MVB12B: variants seen among roughly 807,000 people sequenced by gnomAD.
MVB12B encodes multivesicular body subunit 12B, also known as ESCRT-I complex subunit MVB12B.
A neutral mutation model predicts 41.6 loss-of-function variants in MVB12B; 16 were observed. That is an observed-to-expected ratio of 0.38 (90% CI 0.26 to 0.58). MVB12B has a LOEUF of 0.58. Ranked by LOEUF, MVB12B falls within the 20% of genes least tolerant of loss-of-function variation. The probability of loss-of-function intolerance (pLI) is 0.62; values close to 1 mark genes in which losing one functional copy is unlikely to be tolerated. For synonymous variants in MVB12B, 133 were observed against 139.7 expected (o/e 0.95, Z 0.34); for missense variants, 274 against 380.2 (o/e 0.72, Z 2.32).
intron 2 of MVB12B, among the ~76,000 whole-genome samples, chr9:126,369,650 T>G (rs1255763035): frequency 2.0e-5 from 3 of 152,136 alleles, no homozygotes; most frequent in Admixed American, 6.5e-5. Flanking sequence ...GTGGGTTTTT[T>G]TTTGTTTGTT....
At chr9:126,460,355 A>G (rs1320891999) in intron 7 of MVB12B, among the ~76,000 whole-genome samples, 13 of 152,178 alleles carry the variant, frequency 8.5e-5, no homozygotes, top group Admixed American at 7.2e-4. Flanking sequence ...TCGCCAAACT[A>G]AACTTCTGGC....
intron 7 of MVB12B, among the ~76,000 whole-genome samples, chr9:126,453,890 T>C (rs2119164609): frequency 6.6e-6 from 1 of 152,238 alleles, no homozygotes; most frequent in South Asian, 2.1e-4. Context: ...CAGATTACCT[T>C]CCAGGGCTGG....
chr9:126,445,993 C>A (rs1377949963), intron 7 of MVB12B, among the ~76,000 whole-genome samples: 1 of 152,166 alleles, frequency 6.6e-6, no homozygotes, highest in Non-Finnish European at 1.5e-5. Context: ...ACATTGAAAG[C>A]AGTGGCAGTA....
chr9:126,353,324 G>A (rs1829801520), intron 2 of MVB12B, among the ~76,000 whole-genome samples: 1 of 152,192 alleles, frequency 6.6e-6, no homozygotes, highest in South Asian at 2.1e-4. Context: ...AAGCAATAAA[G>A]CACTGTCACC....
intron 2 of MVB12B, among the ~76,000 whole-genome samples, chr9:126,344,312 T>C (rs557455334): frequency 6.6e-6 from 1 of 152,346 alleles, no homozygotes; most frequent in African/African-American, 2.4e-5. Flanking sequence ...GGGAAGTCCT[T>C]ATAGATGATT....
intron 6 of MVB12B, among the ~76,000 whole-genome samples, chr9:126,413,054 G>T (rs1278167088): frequency 6.6e-6 from 1 of 152,134 alleles, no homozygotes; most frequent in African/African-American, 2.4e-5. Context: ...CAAGGCCCTG[G>T]TTCCTGTCCT....
In MVB12B at chr9:126,327,003, G is replaced by T; in HGVS notation, c.74G>T (p.Arg25Leu). The change falls in exon 1 of 10, where the codon CGG becomes CTG. Residue 25 changes from arginine (R) to leucine (L), a missense_variant. Transcript: ENST00000361171. The part of the protein sequence containing the change: ...PPQPPPPPPQ[R>L]GTDQSTMPEV... ...CAGCCACCGCCGCCGCCGCCCCAGC[G>T]GGGAACAGTTAAGTGAGGCCCGGGC... 1 of 232,958 alleles carries T rather than the reference G, an allele frequency of 4.3e-6. No individual in the cohort carries two copies. The highest frequency in any genetic ancestry group is 4.2e-5 in the South Asian group (1 of 23,710). The allele number at this position is 232,958 out of a possible 1,614,324, so 14.4% of individuals were successfully genotyped here. A position where few individuals can be genotyped will look rare whatever the true frequency, so the allele number is the denominator to read the frequency against.
At chr9:126,494,568 T>C (rs1260240054) in intron 9 of MVB12B, among the ~76,000 whole-genome samples, 1 of 152,222 alleles carries the variant, frequency 6.6e-6, no homozygotes, top group Non-Finnish European at 1.5e-5. Context: ...TACCCTTTTC[T>C]TATGGTCTCT....
chr9:126,409,946 G>A (rs943384392), intron 6 of MVB12B, among the ~76,000 whole-genome samples: 4 of 152,120 alleles, frequency 2.6e-5, no homozygotes, highest in Middle Eastern at 3.2e-3. Context: ...AAACCTAACC[G>A]TTGTTCTTGA....
At chr9:126,434,422 G>T (rs988446663) in intron 7 of MVB12B, among the ~76,000 whole-genome samples, 1 of 152,106 alleles carries the variant, frequency 6.6e-6, no homozygotes, top group African/African-American at 2.4e-5. Flanking sequence ...AGTTTCTTAC[G>T]CCTGACTTGT....
chr9:126,475,174 G>T (rs1465899203), intron 7 of MVB12B, among the ~76,000 whole-genome samples: 1 of 152,114 alleles, frequency 6.6e-6, no homozygotes, highest in Non-Finnish European at 1.5e-5. Flanking sequence ...TTTGGCCCAC[G>T]ATCACAACTT....
chr9:126,486,465 A>G lies in MVB12B; in HGVS notation c.873+2433A>G, dbSNP rs1002614196. Among the ~76,000 whole-genome samples the G allele has an allele frequency of 6.6e-6, 1 of 152,202 alleles. No homozygotes were observed. The highest frequency in any genetic ancestry group is 1.9e-4 in the East Asian group (1 of 5,188). On this transcript the variant is annotated intron_variant, in intron 9 of 9. Transcript: ENST00000361171. The surrounding 1 kb of genome is among the most constrained non-coding windows in gnomAD (Gnocchi z 4.7). The stretch of plus-strand genomic sequence containing the variant: ...AGCCCGCTCCACTGTGGACAGGGGC[A>G]AGTCACATACCTGCTGTTTACCATG...
intron 2 of MVB12B, among the ~76,000 whole-genome samples, chr9:126,369,911 C>G (rs1341929968): frequency 6.6e-6 from 1 of 152,138 alleles, no homozygotes; most frequent in Non-Finnish European, 1.5e-5. Context: ...CCTGGGCCTC[C>G]CAAAGTGCTG....
intron 6 of MVB12B, among the ~76,000 whole-genome samples, chr9:126,402,980 C>T (rs540354294): frequency 6.6e-6 from 1 of 152,368 alleles, no homozygotes; most frequent in African/African-American, 2.4e-5. Flanking sequence ...AGCCCTGTCT[C>T]AGAGACGAGC....
At chr9:126,488,430 C>A (rs1038523997) in intron 9 of MVB12B, among the ~76,000 whole-genome samples, 1 of 152,062 alleles carries the variant, frequency 6.6e-6, no homozygotes, top group Non-Finnish European at 1.5e-5. Context: ...CCGTGCCTCC[C>A]GCTCGTCCAG....
chr9:126,499,138 G>GC (rs1833897611), intron 9 of MVB12B, among the ~76,000 whole-genome samples: 2 of 152,288 alleles, frequency 1.3e-5, no homozygotes, highest in Non-Finnish European at 2.9e-5. Context: ...GCTGCAGTTG[G>GC]CACCTTCTAT....
In MVB12B at chr9:126,393,000, G is replaced by T. The variant is rs1831002871; in HGVS notation, c.539+805G>T. On this transcript the variant is annotated intron_variant, in intron 5 of 9. Coordinates refer to ENST00000361171, the MANE Select transcript of MVB12B (RefSeq NM_033446.3). This position sits in a 1 kb window ranked among gnomAD's most constrained non-coding sequence, Gnocchi z 4.8. ...CAGGAAGAAACATAAATATTACACA[G>T]CTGCATGATAATTCCCCAGTAAGCA... Among the ~76,000 whole-genome samples the T allele has an allele frequency of 6.6e-6, 1 of 152,238 alleles. No individual in the cohort carries two copies. The highest frequency in any genetic ancestry group is 6.5e-5 in the Admixed American group (1 of 15,288).
At chr9:126,447,361 G>T (rs1588180660) in intron 7 of MVB12B, among the ~76,000 whole-genome samples, 1 of 150,674 alleles carries the variant, frequency 6.6e-6, no homozygotes, top group Middle Eastern at 3.4e-3. Flanking sequence ...AGTGTTTAGG[G>T]TTATATAAAT....
Position 126,436,099 on chromosome 9 carries a change from GAAA to G in MVB12B, c.757+14156_757+14158del, listed in dbSNP as rs1029537886. ...CTTTATTAAAACAGGTAATTTTGGG[GAAA>G]AAAAGAGATGCTGTTTTTTGGATCA... On this transcript the variant is annotated intron_variant, in intron 7 of 9. Transcript: ENST00000361171. This position sits in a 1 kb window ranked among gnomAD's most constrained non-coding sequence, Gnocchi z 4.1. 3.9e-5 allele frequency among the ~76,000 whole-genome samples: 6 copies of G among 152,088 alleles called. No homozygotes were observed. Among genetic ancestry groups the G allele is most frequent in the African/African-American group, 1.4e-4 (6 of 41,418 alleles).
Sources: allele counts gnomAD v4.1 joint callset (sites outside exome capture counted in the v4.1 genomes callset), GRCh38; gene constraint gnomAD v4.1.1; non-coding constraint Gnocchi (gnomAD v3.1); transcripts MANE v1.5; gene names NCBI Gene and HGNC (gene_info 2026-07-23, HGNC 2026-07-21).